KIAA0040: variants seen among roughly 807,000 people sequenced by gnomAD.
The protein encoded by KIAA0040 is uncharacterized protein KIAA0040.
KIAA0040 carries 10 observed loss-of-function variants against 7.2 expected under a neutral mutation model. That is an observed-to-expected ratio of 1.38 (90% CI 0.85 to 2.34). KIAA0040 has a LOEUF of 2.34. Ranked by LOEUF, KIAA0040 falls within the 30% of genes most tolerant of loss-of-function variation. The probability of loss-of-function intolerance (pLI) is 0.00; values close to 1 mark genes in which losing one functional copy is unlikely to be tolerated. For synonymous variants in KIAA0040, 49 were observed against 40.1 expected (o/e 1.22, Z -0.84); for missense variants, 89 against 108.2 (o/e 0.82, Z 0.79).
chr1:175,177,696 C>T lies in KIAA0040; in HGVS notation c.-383-12G>A, dbSNP rs1243270996. On this transcript the variant is annotated splice_polypyrimidine_tract_variant and intron_variant, in intron 1 of 3. Transcript: ENST00000423313. The stretch of plus-strand genomic sequence containing the variant: ...AAATGGGGAACAATCTAGAAGAATA[C>T]ACAAGAAAATGATAGCATGTACTGC... 3 of 152,154 alleles carry T rather than the reference C, an allele frequency of 2.0e-5. No homozygotes were observed. The highest frequency in any genetic ancestry group is 4.4e-5 in the Non-Finnish European group (3 of 68,016). 9.4% of individuals were successfully genotyped at this position (152,154 alleles called of 1,614,324 possible). A position where few individuals can be genotyped will look rare whatever the true frequency, so the allele number is the denominator to read the frequency against.
chr1:175,157,264 A>G lies in KIAA0040; in HGVS notation c.*3450T>C, dbSNP rs1389300334. On this transcript the variant is annotated 3_prime_UTR_variant, in exon 4 of 4. Coordinates refer to ENST00000423313, the MANE Select transcript of KIAA0040 (RefSeq NM_014656.3). The stretch of plus-strand genomic sequence containing the variant: ...GGACCTCATTGATGGAAAGTTCTGT[A>G]AGTGTTGCCAAGGAACATCAGTATA... The G allele has an allele frequency of 6.6e-6, 1 of 152,214 alleles. No individual in the cohort carries two copies. The highest frequency in any genetic ancestry group is 6.5e-5 in the Admixed American group (1 of 15,288). The allele number at this position is 152,214 out of a possible 1,614,324, so 9.4% of individuals were successfully genotyped here.
intron 1 of KIAA0040, among the ~76,000 whole-genome samples, chr1:175,185,095 A>C (rs1022128830): frequency 6.6e-6 from 1 of 152,180 alleles, no homozygotes; most frequent in African/African-American, 2.4e-5. Flanking sequence ...CCAAAATCTA[A>C]AAGTTTTTGA....
At chr1:175,186,070 G>T (rs1403887787) in intron 1 of KIAA0040, among the ~76,000 whole-genome samples, 1 of 152,160 alleles carries the variant, frequency 6.6e-6, no homozygotes, top group Non-Finnish European at 1.5e-5. Context: ...ATGGTTATGG[G>T]TTTTTATTTT....
chr1:175,169,134 C>T (rs994217862), intron 2 of KIAA0040, among the ~76,000 whole-genome samples: 4 of 152,218 alleles, frequency 2.6e-5, no homozygotes, highest in Non-Finnish European at 5.9e-5. Flanking sequence ...TTAGCCTATC[C>T]TGCCTAATAC....
intron 2 of KIAA0040, among the ~76,000 whole-genome samples, chr1:175,172,483 G>T (rs1648765621): frequency 6.6e-6 from 1 of 152,190 alleles, no homozygotes. Context: ...GGAGGCTGAG[G>T]CAGGAGGATT....
intron 3 of KIAA0040, 91 bp from the exon 4 acceptor site, chr1:175,161,237 G>T: frequency 2.3e-6 from 1 of 440,662 alleles, no homozygotes. Context: ...TTAGGAAAGG[G>T]GAAGGAATTG....
At chr1:175,178,162 G>C (rs1677280791) in intron 1 of KIAA0040, among the ~76,000 whole-genome samples, 1 of 152,224 alleles carries the variant, frequency 6.6e-6, no homozygotes, top group African/African-American at 2.4e-5. Flanking sequence ...TGAGGCTGCT[G>C]CTGGGTAACT....
rs1676378436 is a variant in KIAA0040 at position 175,158,360 on chromosome 1, G to A, written c.*2354C>T. On this transcript the variant is annotated 3_prime_UTR_variant, in exon 4 of 4. Transcript: ENST00000423313. ...CATTGTGCCTGGAGATAGAGGCCTTGTCATGGCAATGACAACTGACTGCTG... is the reference window on the plus strand; with the variant it reads ...CATTGTGCCTGGAGATAGAGGCCTTATCATGGCAATGACAACTGACTGCTG... 1 of 152,176 alleles carries A rather than the reference G, an allele frequency of 6.6e-6. No individual in the cohort carries two copies. Among genetic ancestry groups the A allele is most frequent in the Non-Finnish European group, 1.5e-5 (1 of 68,042 alleles). 9.4% of individuals were successfully genotyped at this position (152,176 alleles called of 1,614,324 possible). A position where few individuals can be genotyped will look rare whatever the true frequency, so the allele number is the denominator to read the frequency against.
chr1:175,172,064 C>T (rs1395173579), intron 2 of KIAA0040, among the ~76,000 whole-genome samples: 1 of 152,148 alleles, frequency 6.6e-6, no homozygotes, highest in Non-Finnish European at 1.5e-5. Flanking sequence ...ATCTCCAGTT[C>T]CTTTATTCTT....
upstream of KIAA0040, chr1:175,192,947 C>T (rs1571225399): frequency 1.3e-5 from 2 of 152,256 alleles, no homozygotes; most frequent in East Asian, 3.9e-4. Flanking sequence ...CGCTCCAACT[C>T]TGTCCTGCCC....
intron 1 of KIAA0040, among the ~76,000 whole-genome samples, chr1:175,183,299 C>A (rs1190520868): frequency 2.6e-5 from 4 of 152,152 alleles, no homozygotes; most frequent in East Asian, 1.9e-4. Flanking sequence ...ATTAGATGTA[C>A]AATAAATGCT....
chr1:175,176,139 T>C lies in KIAA0040; in HGVS notation c.-310+1472A>G, dbSNP rs566589993. On this transcript the variant is annotated intron_variant, in intron 2 of 3. Coordinates refer to ENST00000423313, the MANE Select transcript of KIAA0040 (RefSeq NM_014656.3). ...ACAGAATGACTGACATATTTCTTTT[T>C]GTTAGTGGTGGTGGGGGAGACATTT... 1.5e-3 allele frequency among the ~76,000 whole-genome samples: 221 copies of C among 152,360 alleles called. 2 individuals carry two copies. The highest frequency in any genetic ancestry group is 2.9e-3 in the African/African-American group (121 of 41,594).
intron 1 of KIAA0040, among the ~76,000 whole-genome samples, chr1:175,190,037 GT>G (rs1452879203): frequency 6.6e-6 from 1 of 152,160 alleles, no homozygotes; most frequent in East Asian, 1.9e-4. Flanking sequence ...CATCCTTCTT[GT>G]TTTTATGAAG....
At chr1:175,165,412 GTTA>G (rs1676719637) in intron 3 of KIAA0040, among the ~76,000 whole-genome samples, 1 of 152,204 alleles carries the variant, frequency 6.6e-6, no homozygotes, top group Non-Finnish European at 1.5e-5. Context: ...AAAATAGTGA[GTTA>G]TCTTGAAATA....
chr1:175,172,038 T>C (rs1677013091), intron 2 of KIAA0040, among the ~76,000 whole-genome samples: 1 of 152,210 alleles, frequency 6.6e-6, no homozygotes, highest in Non-Finnish European at 1.5e-5. Flanking sequence ...TGATTTTCTA[T>C]TATGGAAGGT....
At chr1:175,181,535 C>A (rs1677439205) in intron 1 of KIAA0040, among the ~76,000 whole-genome samples, 1 of 152,226 alleles carries the variant, frequency 6.6e-6, no homozygotes, top group South Asian at 2.1e-4. Flanking sequence ...TGCCAGCTAT[C>A]TGGGTAAGGA....
intron 3 of KIAA0040, among the ~76,000 whole-genome samples, chr1:175,164,695 A>G (rs990222103): frequency 1.3e-5 from 2 of 152,218 alleles, no homozygotes; most frequent in African/African-American, 2.4e-5. Context: ...GTCTGGGGAA[A>G]ATTCGATTAA....
At chr1:175,181,007 C>T (rs1217808526) in intron 1 of KIAA0040, among the ~76,000 whole-genome samples, 1 of 151,744 alleles carries the variant, frequency 6.6e-6, no homozygotes, top group Non-Finnish European at 1.5e-5. Flanking sequence ...ACCACATCTG[C>T]CTAATTTATT....
chr1:175,157,231 C>A lies in KIAA0040; in HGVS notation c.*3483G>T, dbSNP rs558119117. On this transcript the variant is annotated 3_prime_UTR_variant, in exon 4 of 4. Coordinates refer to ENST00000423313, the MANE Select transcript of KIAA0040 (RefSeq NM_014656.3). ...ATTTCCCCCCTTTTCCTTTAAGAAGCCATTGATGGACCTCATTGATGGAAA... is the reference window on the plus strand; with the variant it reads ...ATTTCCCCCCTTTTCCTTTAAGAAGACATTGATGGACCTCATTGATGGAAA... 7 of 152,292 alleles carry A rather than the reference C, an allele frequency of 4.6e-5. No homozygotes were observed. Among genetic ancestry groups the A allele is most frequent in the African/African-American group, 1.7e-4 (7 of 41,546 alleles). The allele number at this position is 152,292 out of a possible 1,614,324, so 9.4% of individuals were successfully genotyped here.
Sources: allele counts gnomAD v4.1 joint callset (sites outside exome capture counted in the v4.1 genomes callset), GRCh38; gene constraint gnomAD v4.1.1; transcripts MANE v1.5; gene names NCBI Gene and HGNC (gene_info 2026-07-23, HGNC 2026-07-21).